Variants in NEK1 observed in about 807,000 individuals in gnomAD.
NEK1 encodes NIMA related kinase 1, also known as serine/threonine-protein kinase Nek1.
A neutral mutation model predicts 182.1 loss-of-function variants in NEK1; 137 were observed. The ratio of observed to expected loss-of-function variants is 0.75; its 90% confidence interval spans 0.65 to 0.87. NEK1 has a LOEUF of 0.87. NEK1 is among the 40% of genes least tolerant of loss of function. The probability of loss-of-function intolerance (pLI) is 0.00; values close to 1 mark genes in which losing one functional copy is unlikely to be tolerated. For missense variants in NEK1, 1,391 were observed against 1,494.4 expected (o/e 0.93, Z 1.14); for synonymous variants, 513 against 492.2 (o/e 1.04, Z -0.56).
intron 22 of NEK1, 65 bp from the exon 23 acceptor site, chr4:169,507,197 TTTTGG>T: frequency 3.3e-5 from 32 of 966,376 alleles, no homozygotes; most frequent in African/African-American, 1.4e-4. Flanking sequence ...TTTTTTTTTT[TTTTGG>T]GCCAGGTCTA....
chr4:169,535,299 G>A (rs1476831788), intron 19 of NEK1, among the ~76,000 whole-genome samples: 1 of 152,032 alleles, frequency 6.6e-6, no homozygotes, highest in African/African-American at 2.4e-5. Context: ...CTTCAGCCTG[G>A]GCAACAAGAG....
At chr4:169,465,012 TTATG>T (rs1157015169) in intron 26 of NEK1, among the ~76,000 whole-genome samples, 1 of 152,064 alleles carries the variant, frequency 6.6e-6, no homozygotes. Context: ...GGATATAATA[TTATG>T]TATTATGAGG....
chr4:169,448,219 C>T (rs2149456266), intron 27 of NEK1, among the ~76,000 whole-genome samples: 1 of 151,850 alleles, frequency 6.6e-6, no homozygotes, highest in East Asian at 1.9e-4. Context: ...AGAGTGAGTC[C>T]CTGTCTCAAG....
At chr4:169,398,095 T>C (rs145740987) in intron 35 of NEK1, among the ~76,000 whole-genome samples, 22 of 152,306 alleles carry the variant, frequency 1.4e-4, no homozygotes, top group African/African-American at 4.1e-4. Flanking sequence ...TTGTAAAAAT[T>C]ACTGAGGATA....
intron 19 of NEK1, among the ~76,000 whole-genome samples, chr4:169,522,739 C>A: frequency 6.6e-6 from 1 of 152,202 alleles, no homozygotes; most frequent in East Asian, 1.9e-4. Context: ...GCAGGGATAG[C>A]CTGAGGCTTC....
At chr4:169,470,688 TCCTGGATAATA>T (rs913165432) in intron 26 of NEK1, among the ~76,000 whole-genome samples, 2 of 152,244 alleles carry the variant, frequency 1.3e-5, no homozygotes, top group African/African-American at 2.4e-5. Context: ...GGGGAAGTTC[TCCTGGATAATA>T]CCTTCAAGTG....
intron 18 of NEK1, among the ~76,000 whole-genome samples, chr4:169,547,620 T>C (rs113687415): frequency 0.039 from 5,938 of 152,292 alleles, 132 homozygotes; most frequent in Non-Finnish European, 0.055. Flanking sequence ...CAAACAAATG[T>C]AGATTTGGTC....
chr4:169,590,410 CA>C (rs2150091417), intron 6 of NEK1, among the ~76,000 whole-genome samples: 1 of 152,152 alleles, frequency 6.6e-6, no homozygotes, highest in Admixed American at 6.5e-5. Flanking sequence ...TAGGCCAATC[CA>C]CACAGACAGA....
In NEK1 at chr4:169,588,838, A is replaced by G. The variant is rs1025912815; in HGVS notation, c.465-103T>C. The stretch of plus-strand genomic sequence containing the variant: ...AGATCGCATATATGATGCTGGTCCC[A>G]TAAGATTATAATGACACTGAAAAAT... On this transcript the variant is annotated intron_variant, in intron 7 of 35. Transcript: ENST00000507142. 69 of 717,876 alleles carry G rather than the reference A, an allele frequency of 9.6e-5. No individual in the cohort carries two copies. In the Middle Eastern group the frequency reaches 5.5e-3, roughly 57 times the overall value. 44.5% of individuals were successfully genotyped at this position (717,876 alleles called of 1,614,324 possible). A position where few individuals can be genotyped will look rare whatever the true frequency, so the allele number is the denominator to read the frequency against.
intron 18 of NEK1, among the ~76,000 whole-genome samples, chr4:169,551,881 G>T (rs1761476516): frequency 6.6e-6 from 1 of 152,112 alleles, no homozygotes; most frequent in Non-Finnish European, 1.5e-5. Flanking sequence ...ATGAACAGGT[G>T]ACTGAGAACC....
chr4:169,451,516 C>T (rs1677019730), intron 27 of NEK1, among the ~76,000 whole-genome samples: 1 of 152,164 alleles, frequency 6.6e-6, no homozygotes, highest in African/African-American at 2.4e-5. Context: ...AGAAACTGAA[C>T]AACTTGCTCC....
intron 6 of NEK1, 104 bp from the exon 7 acceptor site, chr4:169,589,618 A>C: frequency 1.4e-6 from 1 of 704,614 alleles, no homozygotes; most frequent in East Asian, 2.8e-5. Flanking sequence ...AAATTGTGCT[A>C]GAGTAACTGG....
At chr4:169,446,917 A>G (rs550332657) in intron 27 of NEK1, among the ~76,000 whole-genome samples, 1 of 152,338 alleles carries the variant, frequency 6.6e-6, no homozygotes, top group Non-Finnish European at 1.5e-5. Flanking sequence ...AAACAAAGGA[A>G]AAAGAATAAG....
intron 31 of NEK1, among the ~76,000 whole-genome samples, chr4:169,421,023 C>A (rs1579461820): frequency 6.6e-6 from 1 of 152,022 alleles, no homozygotes; most frequent in Non-Finnish European, 1.5e-5. Flanking sequence ...TGTATATATA[C>A]CATATAAAGA....
At chr4:169,430,881 A>AGGT (rs1737298097) in intron 29 of NEK1, among the ~76,000 whole-genome samples, 1 of 152,088 alleles carries the variant, frequency 6.6e-6, no homozygotes, top group Admixed American at 6.6e-5. Flanking sequence ...AGAGGTATCT[A>AGGT]ATAAGTCTAT....
At position 169,605,323 on chromosome 4, in the gene NEK1, C is replaced by T. The variant is rs917126823; in HGVS notation, c.-48-2645G>A. On this transcript the variant is annotated intron_variant, in intron 2 of 35. Transcript: ENST00000507142. ...ACTCTATAAAGCAGACCTACTGATC[C>T]TGTTAGTAAAGAAAGATGACTCTAA... is the stretch of plus-strand genomic sequence containing the variant. Among the ~76,000 whole-genome samples the T allele has an allele frequency of 2.6e-5, 4 of 152,290 alleles. No homozygotes were observed. In the South Asian group the frequency reaches 6.2e-4, roughly 24 times the overall value.
intron 31 of NEK1, among the ~76,000 whole-genome samples, chr4:169,406,973 T>G (rs2111107433): frequency 6.6e-6 from 1 of 152,182 alleles, no homozygotes; most frequent in South Asian, 2.1e-4. Context: ...AACCTAATTC[T>G]CTTGAATTTC....
intron 26 of NEK1, among the ~76,000 whole-genome samples, chr4:169,465,648 C>T (rs888937612): frequency 9.9e-5 from 15 of 152,084 alleles, no homozygotes; most frequent in Non-Finnish European, 2.2e-4. Context: ...GAAAGAGTTC[C>T]TATTCCCATC....
At chr4:169,424,227 A>G (rs534506659) in intron 31 of NEK1, among the ~76,000 whole-genome samples, 8 of 152,332 alleles carry the variant, frequency 5.3e-5, no homozygotes, top group African/African-American at 1.4e-4. Context: ...TATTTAAGAT[A>G]TATTGCTTAA....
Sources: allele counts gnomAD v4.1 joint callset (sites outside exome capture counted in the v4.1 genomes callset), GRCh38; gene constraint gnomAD v4.1.1; transcripts MANE v1.5; gene names NCBI Gene and HGNC (gene_info 2026-07-23, HGNC 2026-07-21).